Variants in ADGRB3 observed in about 807,000 individuals in gnomAD.
The protein encoded by ADGRB3 is adhesion G protein-coupled receptor B3.
In ADGRB3, 37 loss-of-function variants were observed where a neutral mutation model predicts 193.4. The ratio of observed to expected loss-of-function variants is 0.19; its 90% CI spans 0.15 to 0.25. ADGRB3 has a LOEUF of 0.25. ADGRB3 is among the 10% of genes least tolerant of loss of function. The pLI, the probability that ADGRB3 is intolerant of heterozygous loss-of-function variation, is 1.00. For synonymous variants in ADGRB3, 690 were observed against 644.2 expected, an observed-to-expected ratio of 1.07 and a Z score of -1.08; for missense variants, 1,637 against 1,852.9, an observed-to-expected ratio of 0.88 and a Z score of 2.14.
rs1582657140 is a variant in ADGRB3, at chr6:69,361,338, A to G, written c.4065A>G (p.Val1355=). 6.2e-7 allele frequency: 1 copy of G among 1,613,016 alleles called. No individual in the cohort carries two copies. The highest frequency in any genetic ancestry group is 1.3e-5 in the African/African-American group (1 of 74,930). Residue 1355 remains valine, a synonymous_variant, in exon 29 of 32, where the codon GTA becomes GTG. Transcript: ENST00000370598. ...VNPEFNMNPP[V]MDQFNMNLEQ... is the part of the protein sequence containing the mutation. ...CTGAATTCAATATGAATCCCCCTGT[A>G]ATGGACCAGTTCAATATGAACTTAG...
chr6:69,052,824 G>A (rs1429053712), intron 15 of ADGRB3, among the ~76,000 whole-genome samples: 2 of 152,180 alleles, frequency 1.3e-5, no homozygotes, highest in Non-Finnish European at 2.9e-5. Flanking sequence ...TTCAGATGAA[G>A]TCCATACTAA....
intron 17 of ADGRB3, among the ~76,000 whole-genome samples, chr6:69,188,155 A>G (rs905444291): frequency 7.9e-5 from 12 of 152,218 alleles, no homozygotes; most frequent in African/African-American, 2.7e-4. Context: ...GCCCAGATTC[A>G]TAAAATTAAT....
intron 20 of ADGRB3, among the ~76,000 whole-genome samples, chr6:69,317,276 A>G (rs1768333658): frequency 1.3e-5 from 2 of 151,316 alleles, no homozygotes; most frequent in South Asian, 2.1e-4. Context: ...CCTTTGGGGG[A>G]GAATATTAAT....
In ADGRB3 at chr6:69,338,977, A is replaced by G; in HGVS notation, c.3250A>G (p.Thr1084Ala). The G allele has an allele frequency of 5.0e-6, 8 of 1,613,932 alleles. No homozygotes were observed. Among genetic ancestry groups the G allele is most frequent in the Non-Finnish European group, 6.8e-6 (8 of 1,179,878 alleles). The change falls in exon 25 of 32, where the codon ACA becomes GCA. Residue 1084 changes from threonine (T) to alanine (A), a missense_variant. Thr to Ala is a moderately conservative substitution (Grantham distance 58). Coordinates refer to ENST00000370598, the MANE Select transcript of ADGRB3 (RefSeq NM_001704.3). Reference sequence around the variant, plus strand: ...ATGTGCCAAGTGTGGAGTAGTTTCAACAACAGCTTTGTCAGCCACCACCGC... The same window carrying G: ...ATGTGCCAAGTGTGGAGTAGTTTCAGCAACAGCTTTGTCAGCCACCACCGC... ...LKCAKCGVVSTTALSATTASN... is the reference protein window; with the variant it reads ...LKCAKCGVVSATALSATTASN...
chr6:68,985,213 A>G (rs1166570896), intron 10 of ADGRB3, among the ~76,000 whole-genome samples: 1 of 152,204 alleles, frequency 6.6e-6, no homozygotes, highest in Non-Finnish European at 1.5e-5. Flanking sequence ...TCTGAGGACC[A>G]GAAGTGTCCG....
intron 17 of ADGRB3, among the ~76,000 whole-genome samples, chr6:69,125,395 C>A (rs975544019): frequency 6.6e-6 from 1 of 152,132 alleles, no homozygotes; most frequent in Non-Finnish European, 1.5e-5. Context: ...AAATCTCACC[C>A]CTCAAGCTGA....
At chr6:69,149,178 C>T (rs1170608045) in intron 17 of ADGRB3, among the ~76,000 whole-genome samples, 1 of 152,040 alleles carries the variant, frequency 6.6e-6, no homozygotes, top group African/African-American at 2.4e-5. Context: ...TAAATTTGCT[C>T]TTTTGGGGTG....
intron 30 of ADGRB3, among the ~76,000 whole-genome samples, chr6:69,373,352 A>G (rs6916748): frequency 0.11 from 16,433 of 152,004 alleles, 2,773 homozygotes; most frequent in African/African-American, 0.36. Flanking sequence ...TAGCTCTACA[A>G]TGTACATCAT....
chr6:68,730,324 A>G (rs192506508), intron 3 of ADGRB3, among the ~76,000 whole-genome samples: 49 of 151,700 alleles, frequency 3.2e-4, no homozygotes, highest in African/African-American at 9.9e-4. Flanking sequence ...TAAGGGGAAT[A>G]ACACTTTATG....
chr6:69,100,234 A>T (rs79899047), intron 17 of ADGRB3, among the ~76,000 whole-genome samples: 9,373 of 152,270 alleles, frequency 0.062, 359 homozygotes, highest in South Asian at 0.11. Flanking sequence ...ACTTTTAAAT[A>T]TATTTTATAT....
chr6:69,323,121 C>T (rs60470320), intron 20 of ADGRB3, among the ~76,000 whole-genome samples: 12,100 of 151,984 alleles, frequency 0.08, 541 homozygotes, highest in Admixed American at 0.098. Context: ...AATTTCAGTA[C>T]ACCAACACTT....
chr6:69,338,909 T>C lies in ADGRB3; in HGVS notation c.3189-7T>C. The C allele has an allele frequency of 6.2e-7, 1 of 1,611,716 alleles. No homozygotes were observed. The highest frequency in any genetic ancestry group is 8.5e-7 in the Non-Finnish European group (1 of 1,178,828). ...GTTCTTTTTGTGGGTGTTCTGTTTG[T>C]TTGCAGTCAGATGAGTGAGCCTCAT... On this transcript the variant is annotated splice_polypyrimidine_tract_variant and splice_region_variant and intron_variant, in intron 24 of 31. Transcript: ENST00000370598.
chr6:69,119,062 A>G (rs1773613374), intron 17 of ADGRB3, among the ~76,000 whole-genome samples: 1 of 152,216 alleles, frequency 6.6e-6, no homozygotes, highest in African/African-American at 2.4e-5. Flanking sequence ...CAAAGCTGAC[A>G]TTTGTTATTA....
chr6:69,049,519 A>G (rs1251996544), intron 15 of ADGRB3, among the ~76,000 whole-genome samples, 173 bp downstream of exon 15: 3 of 152,198 alleles, frequency 2.0e-5, no homozygotes, highest in Non-Finnish European at 2.9e-5. Context: ...GCATTTCAAA[A>G]CAACTAGAAA....
At chr6:68,682,635 C>G (rs965255948) in intron 3 of ADGRB3, among the ~76,000 whole-genome samples, 3 of 152,144 alleles carry the variant, frequency 2.0e-5, no homozygotes, top group Non-Finnish European at 4.4e-5. Flanking sequence ...CACTATTTAT[C>G]ATGAAAGTCA....
At chr6:69,210,086 C>T (rs764710947) in intron 17 of ADGRB3, among the ~76,000 whole-genome samples, 22 of 140,374 alleles carry the variant, frequency 1.6e-4, no homozygotes, top group Non-Finnish European at 2.9e-4. Flanking sequence ...AGGGACAGAA[C>T]TAATTGAATA....
chr6:69,120,911 G>A (rs1773661275), intron 17 of ADGRB3, among the ~76,000 whole-genome samples: 1 of 150,694 alleles, frequency 6.6e-6, no homozygotes, highest in Admixed American at 6.6e-5. Context: ...TCACTTGCAT[G>A]TAAAAAGAAA....
At chr6:68,858,396 C>T (rs1046844870) in intron 3 of ADGRB3, among the ~76,000 whole-genome samples, 2 of 150,710 alleles carry the variant, frequency 1.3e-5, no homozygotes, top group African/African-American at 2.4e-5. Flanking sequence ...CCCAGCTACT[C>T]GAGAGGCTAA....
chr6:68,693,132 A>G (rs1050033740), intron 3 of ADGRB3, among the ~76,000 whole-genome samples: 4 of 151,882 alleles, frequency 2.6e-5, no homozygotes, highest in Non-Finnish European at 5.9e-5. Flanking sequence ...AAGGTCAATT[A>G]AAACACAGAA....
Sources: gnomAD v4.1 joint callset for allele counts (sites outside exome capture counted in the v4.1 genomes callset) on GRCh38, gnomAD v4.1.1 for gene constraint, MANE v1.5 for transcripts, NCBI Gene and HGNC (gene_info 2026-07-23, HGNC 2026-07-21) for gene names.